The following C1QTNF5 variants were observed in gnomAD, a reference collection of about 807,000 sequenced individuals.
C1QTNF5 encodes the protein complement C1q tumor necrosis factor-related protein 5.
In C1QTNF5, 5 loss-of-function variants were observed where a neutral mutation model predicts 10.9. The ratio of observed to expected loss-of-function variants is 0.46; its 90% confidence interval spans 0.24 to 0.97. The LOEUF (loss-of-function observed/expected upper bound fraction) is 0.97. Among genes scored for constraint, C1QTNF5 ranks in the 50% least tolerant of loss-of-function variants. The pLI, the probability that C1QTNF5 is intolerant of heterozygous loss-of-function variation, is 0.19. For synonymous variants in C1QTNF5, 161 were observed against 156.5 expected (o/e 1.03, Z -0.22); for missense variants, 281 against 339.4 (o/e 0.83, Z 1.35).
Position 119,339,761 on chromosome 11 carries a change from G to A in C1QTNF5, c.302C>T (p.Pro101Leu), listed in dbSNP as rs901872302. Residue 101 changes from proline to leucine, a missense_variant, in exon 3 of 3, where the codon CCT (proline) becomes CTT (leucine). Coordinates refer to ENST00000528368, the MANE Select transcript of C1QTNF5 (RefSeq NM_001278431.2). The surrounding 1 kb of genome is among the most constrained non-coding windows in gnomAD (Gnocchi z 5.4). ...PTGPAGECSV[P>L]PRSAFSAKRS... Reference sequence around the variant, plus strand: ...CTTGGCGCTGAAGGCGGATCGCGGAGGCACCGAGCACTCCCCGGCAGGCCC... The same window carrying A: ...CTTGGCGCTGAAGGCGGATCGCGGAAGCACCGAGCACTCCCCGGCAGGCCC... 1.8e-5 allele frequency: 28 copies of A among 1,585,950 alleles called. No homozygotes were observed. Among genetic ancestry groups the A allele is most frequent in the Non-Finnish European group, 2.4e-5 (28 of 1,173,330 alleles).
upstream of C1QTNF5, chr11:119,341,830 C>T (rs370493223): frequency 7.4e-6 from 12 of 1,613,532 alleles, no homozygotes; most frequent in South Asian, 1.1e-5. Flanking sequence ...CTCCCAGGCC[C>T]GCCCTCCTTC....
chr11:119,344,479 G>T (rs1950538193), upstream of C1QTNF5: 5 of 1,554,224 alleles, frequency 3.2e-6, no homozygotes, highest in Non-Finnish European at 4.4e-6. Flanking sequence ...CGAGAGTTTT[G>T]GCCATGCCCA....
At chr11:119,340,563 G>C in intron 1 of C1QTNF5, 123 bp from the exon 2 acceptor site, 2 of 705,188 alleles carry the variant, frequency 2.8e-6, no homozygotes, top group South Asian at 3.8e-5. Context: ...GCGCTCGCAG[G>C]GCCGAGCATC....
At chr11:119,342,839 T>C (rs769780473), upstream of C1QTNF5, 4 of 1,612,178 alleles carry the variant, frequency 2.5e-6, no homozygotes, top group Admixed American at 5.0e-5. Flanking sequence ...GAGGTGCCTC[T>C]ACTGCCCCCA....
the C1QTNF5 span, chr11:119,346,674 G>A: frequency 1.4e-6 from 1 of 733,394 alleles, no homozygotes; most frequent in Non-Finnish European, 2.4e-6. Context: ...TTGGTAGAGT[G>A]GTTTGGCCTA....
At chr11:119,345,305 G>C (rs553292234), upstream of C1QTNF5, 27 of 1,093,008 alleles carry the variant, frequency 2.5e-5, no homozygotes, top group Non-Finnish European at 3.4e-5. Context: ...TGGGCCCAGA[G>C]GTCTAGTCTC....
chr11:119,343,745 G>A (rs928997666), upstream of C1QTNF5: 13 of 1,585,198 alleles, frequency 8.2e-6, no homozygotes, highest in East Asian at 4.5e-5. Context: ...AATGTGCTGG[G>A]CCGACATGGA....
In C1QTNF5 at chr11:119,340,312, G is replaced by C; in HGVS notation, c.86C>G (p.Pro29Arg). The change falls in exon 2 of 3, where the codon CCG becomes CGG. Residue 29 changes from proline to arginine, a missense_variant. Pro to Arg is a moderately radical substitution (Grantham distance 103, BLOSUM62 -2). Transcript: ENST00000528368. ...LDDNKIPSLC[P>R]GHPGLPGTPG... ...CGTGCCTGGAAGGCCGGGGTGCCCC[G>C]GGCAGAGGCTGGGGATCTTGTTGTC... The C allele has an allele frequency of 6.5e-7, 1 of 1,539,682 alleles. No homozygotes were observed. Among genetic ancestry groups the C allele is most frequent in the South Asian group, 1.2e-5 (1 of 82,930 alleles).
upstream of C1QTNF5, among the ~76,000 whole-genome samples, chr11:119,343,542 A>G (rs898847079): frequency 1.3e-5 from 2 of 152,170 alleles, no homozygotes; most frequent in Non-Finnish European, 2.9e-5. Context: ...AGAAAAATCA[A>G]TGAGGGTTTG....
chr11:119,343,705 G>C, upstream of C1QTNF5: 1 of 1,375,360 alleles, frequency 7.3e-7, no homozygotes, highest in Non-Finnish European at 1.0e-6. Context: ...CCGGCCTGGA[G>C]TAGCAGAAGA....
chr11:119,346,390 A>G, the C1QTNF5 span: 1 of 1,613,686 alleles, frequency 6.2e-7, no homozygotes, highest in South Asian at 1.1e-5. Flanking sequence ...AGGGGGAGAT[A>G]CTTGAGGGCT....
At chr11:119,342,822 C>T (rs755240112), upstream of C1QTNF5, 7 of 1,613,050 alleles carry the variant, frequency 4.3e-6, no homozygotes, top group South Asian at 5.5e-5. Context: ...CCTTGTCTGT[C>T]CCCCTGGAGG....
At chr11:119,345,068 G>A, upstream of C1QTNF5, 11 of 1,566,028 alleles carry the variant, frequency 7.0e-6, no homozygotes, top group Non-Finnish European at 9.5e-6. Flanking sequence ...AGAGGAGCTT[G>A]CCTGGGCCTT....
At position 119,339,325 on chromosome 11, in the gene C1QTNF5, TG is replaced by T; in HGVS notation, c.*5del. 1 of 1,611,326 alleles carries T rather than the reference TG, an allele frequency of 6.2e-7. No homozygotes were observed. Among genetic ancestry groups the T allele is most frequent in the Non-Finnish European group, 8.5e-7 (1 of 1,178,344 alleles). On this transcript the variant is annotated 3_prime_UTR_variant, in exon 3 of 3. Transcript: ENST00000528368. The surrounding 1 kb of genome is among the most constrained non-coding windows in gnomAD (Gnocchi z 5.4). ...GTGAGAGCATGAGCTCACTTTGCAG[TG>T]GGCACTAAGCAAAGACTGGGGAGCT...
At chr11:119,340,143 C>T in intron 2 of C1QTNF5, 41 bp downstream of exon 2, 1 of 1,502,138 alleles carries the variant, frequency 6.7e-7, no homozygotes, top group Non-Finnish European at 8.9e-7. Flanking sequence ...GCCGCGCCTG[C>T]TCGGACATCG....
the C1QTNF5 span, chr11:119,346,521 G>A: frequency 4.3e-6 from 7 of 1,613,962 alleles, no homozygotes; most frequent in African/African-American, 1.3e-5. Context: ...CATGGCACAA[G>A]GCTCTGCATG....
upstream of C1QTNF5, chr11:119,342,835 C>A: frequency 5.6e-6 from 9 of 1,613,056 alleles, no homozygotes; most frequent in African/African-American, 1.3e-5. Context: ...CCTGGAGGTG[C>A]CTCTACTGCC....
At chr11:119,343,692 C>T (rs938786968), upstream of C1QTNF5, 7 of 1,230,844 alleles carry the variant, frequency 5.7e-6, no homozygotes, top group African/African-American at 1.5e-5. Flanking sequence ...GGTGAAGAGA[C>T]CCCCGGCCTG....
upstream of C1QTNF5, among the ~76,000 whole-genome samples, chr11:119,342,209 C>T (rs961383284): frequency 3.3e-5 from 5 of 152,190 alleles, no homozygotes; most frequent in African/African-American, 4.8e-5. Flanking sequence ...CATGCAGGCA[C>T]GTCTTTAATC....
Sources: gnomAD v4.1 joint callset for allele counts (sites outside exome capture counted in the v4.1 genomes callset) on GRCh38, gnomAD v4.1.1 for gene constraint, Gnocchi (gnomAD v3.1) non-coding constraint, MANE v1.5 for transcripts, NCBI Gene and HGNC (gene_info 2026-07-23, HGNC 2026-07-21) for gene names.